Variants in TNFSF13B observed in about 807,000 individuals in gnomAD.
TNFSF13B encodes TNF superfamily member 13b.
TNFSF13B carries 8 observed loss-of-function variants against 29.1 expected under a neutral mutation model. The ratio of observed to expected loss-of-function variants is 0.27; its 90% CI spans 0.16 to 0.50. The LOEUF is 0.50. Ranked by LOEUF, TNFSF13B falls within the 20% of genes least tolerant of loss-of-function variation. TNFSF13B has a pLI of 0.98. For synonymous variants in TNFSF13B, 125 were observed against 130.8 expected (o/e 0.96, Z 0.30); for missense variants, 248 against 334.9 (o/e 0.74, Z 2.03).
chr13:108,271,720 C>T (rs1441583114), intron 2 of TNFSF13B, among the ~76,000 whole-genome samples: 3 of 151,998 alleles, frequency 2.0e-5, no homozygotes, highest in Non-Finnish European at 4.4e-5. Flanking sequence ...ATATTTCCTA[C>T]ATAATTGAAA....
At chr13:108,282,268 C>T (rs1169653123) in intron 2 of TNFSF13B, among the ~76,000 whole-genome samples, 2 of 152,158 alleles carry the variant, frequency 1.3e-5, no homozygotes, top group Non-Finnish European at 2.9e-5. Flanking sequence ...TAATGTTTTT[C>T]ATGGGAGACA....
intron 2 of TNFSF13B, 48 bp from the exon 3 acceptor site, chr13:108,286,755 T>G: frequency 7.5e-7 from 1 of 1,339,474 alleles, no homozygotes; most frequent in East Asian, 2.6e-5. Flanking sequence ...CTCAGTTTCT[T>G]TATTATTTCT....
intron 5 of TNFSF13B, among the ~76,000 whole-genome samples, chr13:108,305,763 T>G (rs1881756726): frequency 6.6e-6 from 1 of 152,160 alleles, no homozygotes; most frequent in African/African-American, 2.4e-5. Context: ...CTGTCATCCT[T>G]GATCACTACT....
intron 3 of TNFSF13B, among the ~76,000 whole-genome samples, chr13:108,297,470 T>G (rs1881485212): frequency 1.4e-5 from 2 of 145,772 alleles, no homozygotes; most frequent in Middle Eastern, 7.1e-3. Context: ...TTCTTAGATG[T>G]GTACATTCAT....
Position 108,306,938 on chromosome 13 carries a change from A to G in TNFSF13B, c.858A>G (p.Ter286TrpextTer52). The change falls in exon 6 of 6, where the codon TGA (stop) becomes TGG (tryptophan). Residue 286 changes from the stop codon to tryptophan, a stop_lost. Transcript: ENST00000375887. Reference sequence around the variant, plus strand: ...TTTTTGGTGCATTGAAACTGCTGTGACCTACTTACACCATGTCTGTAGCTA... The same window carrying G: ...TTTTTGGTGCATTGAAACTGCTGTGGCCTACTTACACCATGTCTGTAGCTA... ...VTFFGALKLL[*>W] 6.6e-7 allele frequency: 1 copy of G among 1,524,058 alleles called. No homozygotes were observed. The highest frequency in any genetic ancestry group is 8.9e-7 in the Non-Finnish European group (1 of 1,120,586). 94.4% of individuals were successfully genotyped at this position (1,524,058 alleles called of 1,614,324 possible). A position where few individuals can be genotyped will look rare whatever the true frequency, so the allele number is the denominator to read the frequency against.
intron 3 of TNFSF13B, among the ~76,000 whole-genome samples, chr13:108,302,513 A>G (rs1002527310): frequency 2.2e-5 from 3 of 134,262 alleles, no homozygotes; most frequent in Admixed American, 1.6e-4. Context: ...GAACGCACCT[A>G]CAGATTCTGG....
At chr13:108,278,915 A>G (rs1027163224) in intron 2 of TNFSF13B, among the ~76,000 whole-genome samples, 2 of 152,148 alleles carry the variant, frequency 1.3e-5, no homozygotes, top group African/African-American at 4.8e-5. Flanking sequence ...TACTTACTTT[A>G]AAAATATTAT....
intron 3 of TNFSF13B, among the ~76,000 whole-genome samples, chr13:108,302,052 G>T (rs973488764): frequency 1.3e-5 from 2 of 152,158 alleles, no homozygotes; most frequent in African/African-American, 4.8e-5. Flanking sequence ...CACACTGTTA[G>T]CTACCACATC....
Position 108,306,904 on chromosome 13 carries a change from A to G in TNFSF13B, c.824A>G (p.Asp275Gly). The change falls in exon 6 of 6, where the codon GAT becomes GGT. Residue 275 changes from aspartate (D) to glycine (G), a missense_variant. Around this residue, in one of 2 missense-constraint regions of TNFSF13B, gnomAD observed 62 missense variants for 138.6 expected, o/e 0.45. Coordinates refer to ENST00000375887, the MANE Select transcript of TNFSF13B (RefSeq NM_006573.5). ...RENAQISLDG[D>G]VTFFGALKLL ...AATGCACAAATATCACTGGATGGAG[A>G]TGTCACATTTTTTGGTGCATTGAAA... 6.2e-7 allele frequency: 1 copy of G among 1,608,114 alleles called. No homozygotes were observed. Among genetic ancestry groups the G allele is most frequent in the African/African-American group, 1.3e-5 (1 of 74,326 alleles).
intron 3 of TNFSF13B, among the ~76,000 whole-genome samples, chr13:108,287,912 A>G (rs557462810): frequency 3.3e-5 from 5 of 152,218 alleles, no homozygotes; most frequent in Non-Finnish European, 5.9e-5. Context: ...AATATGTGTC[A>G]CCTAGAATGT....
At chr13:108,288,757 G>A (rs916907033) in intron 3 of TNFSF13B, among the ~76,000 whole-genome samples, 4 of 152,184 alleles carry the variant, frequency 2.6e-5, no homozygotes, top group African/African-American at 9.6e-5. Flanking sequence ...TAGATGAGAC[G>A]AAATGCTGTG....
intron 2 of TNFSF13B, among the ~76,000 whole-genome samples, chr13:108,283,973 A>T (rs748878479): frequency 2.4e-4 from 37 of 152,182 alleles, no homozygotes; most frequent in Non-Finnish European, 4.9e-4. Context: ...GGGGCAACAC[A>T]GACATTCAGA....
intron 3 of TNFSF13B, among the ~76,000 whole-genome samples, chr13:108,298,638 A>G (rs1340193953): frequency 6.9e-6 from 1 of 145,258 alleles, no homozygotes; most frequent in African/African-American, 2.6e-5. Context: ...TATATTCTTT[A>G]GACTCAGTTT....
At chr13:108,271,965 G>A (rs1343258933) in intron 2 of TNFSF13B, among the ~76,000 whole-genome samples, 1 of 151,978 alleles carries the variant, frequency 6.6e-6, no homozygotes, top group Non-Finnish European at 1.5e-5. Context: ...CTGAGCTAGG[G>A]AGAAGAAACA....
At chr13:108,302,294 G>A (rs991659760) in intron 3 of TNFSF13B, among the ~76,000 whole-genome samples, 3 of 151,788 alleles carry the variant, frequency 2.0e-5, no homozygotes, top group African/African-American at 7.3e-5. Context: ...AACTTCTATA[G>A]CTCTATTTTA....
chr13:108,270,502 A>G, intron 2 of TNFSF13B, 78 bp downstream of exon 2: 2 of 1,319,484 alleles, frequency 1.5e-6, no homozygotes, highest in Non-Finnish European at 2.2e-6. Context: ...GGAGGTGAGT[A>G]TCCCCTCTAT....
rs1214428374 is a variant in TNFSF13B, at chr13:108,269,976, T to G, written c.81T>G (p.Cys27Trp). 6.2e-7 allele frequency: 1 copy of G among 1,613,702 alleles called. No individual in the cohort carries two copies. Among genetic ancestry groups the G allele is most frequent in the African/African-American group, 1.3e-5 (1 of 75,038 alleles). The change falls in exon 1 of 6, where the codon TGT (cysteine) becomes TGG (tryptophan). Residue 27 changes from cysteine to tryptophan, a missense_variant. Cys to Trp is a radical substitution (Grantham distance 215, BLOSUM62 -2). Around this residue, in one of 2 missense-constraint regions of TNFSF13B, gnomAD observed 186 missense variants for 196.3 expected, o/e 0.95. Coordinates refer to ENST00000375887, the MANE Select transcript of TNFSF13B (RefSeq NM_006573.5). ...GAGAAGAAATGAAACTGAAGGAGTG[T>G]GTTTCCATCCTCCCACGGAAGGAAA... ...KKREEMKLKE[C>W]VSILPRKESP...
At chr13:108,273,735 T>C (rs1351557804) in intron 2 of TNFSF13B, among the ~76,000 whole-genome samples, 1 of 152,190 alleles carries the variant, frequency 6.6e-6, no homozygotes, top group African/African-American at 2.4e-5. Flanking sequence ...TTTCTTCTTG[T>C]GTAATGCAAT....
chr13:108,292,350 A>G (rs1881342651), intron 3 of TNFSF13B, among the ~76,000 whole-genome samples: 1 of 152,120 alleles, frequency 6.6e-6, no homozygotes, highest in Non-Finnish European at 1.5e-5. Flanking sequence ...TAAGTAAGCC[A>G]TAATTTCATT....
Sources: allele counts gnomAD v4.1 joint callset (sites outside exome capture counted in the v4.1 genomes callset), GRCh38; gene constraint gnomAD v4.1.1; regional missense constraint gnomAD v4.1.1; transcripts MANE v1.5; gene names NCBI Gene and HGNC (gene_info 2026-07-23, HGNC 2026-07-21).